ADCY10: variants seen among roughly 807,000 people sequenced by gnomAD.
ADCY10 encodes the protein adenylate cyclase type 10.
Under a neutral mutation model 183.3 loss-of-function variants are expected in ADCY10, and 156 were observed. That is an observed-to-expected ratio of 0.85 (90% CI 0.75 to 0.97). The LOEUF (loss-of-function observed/expected upper bound fraction) is 0.97. Ranked by LOEUF, ADCY10 falls within the 50% of genes least tolerant of loss-of-function variation. The pLI, the probability that ADCY10 is intolerant of heterozygous loss-of-function variation, is 0.00. For synonymous variants in ADCY10, 645 were observed against 670.0 expected (o/e 0.96, Z 0.58); for missense variants, 1,745 against 1,934.3 (o/e 0.90, Z 1.84).
rs150976802 is a variant in ADCY10, at chr1:167,844,793, G to A, written c.3007+770C>T. 6.2e-3 allele frequency among the ~76,000 whole-genome samples: 937 copies of A among 152,184 alleles called. 6 individuals are homozygous for A. Among genetic ancestry groups the A allele is most frequent in the African/African-American group, 0.022 (901 of 41,522 alleles). On this transcript the variant is annotated intron_variant, in intron 21 of 32. Transcript: ENST00000367851. Reference sequence around the variant, plus strand: ...TGATTTTTAATATCCTTATAATATAGGAGTCCTCTACTTGTAGCCTCTGAT... The same window carrying A: ...TGATTTTTAATATCCTTATAATATAAGAGTCCTCTACTTGTAGCCTCTGAT...
In ADCY10 at chr1:167,880,479, G is replaced by A. The variant is rs1316836009; in HGVS notation, c.1139+12C>T. ...TCAGGGACCGCTGGGTGGGACCAGG[G>A]TCAATACTCACTGGATTTTGTGGAC... On this transcript the variant is annotated intron_variant, in intron 10 of 32. Transcript: ENST00000367851. 15 of 1,597,122 alleles carry A rather than the reference G, an allele frequency of 9.4e-6. No individual in the cohort carries two copies. Among genetic ancestry groups the A allele is most frequent in the Non-Finnish European group, 9.4e-6 (11 of 1,164,606 alleles).
chr1:167,823,451 G>C (rs1456078879), intron 28 of ADCY10, among the ~76,000 whole-genome samples: 1 of 150,604 alleles, frequency 6.6e-6, no homozygotes, highest in Admixed American at 6.6e-5. Context: ...AAAAGCAGTG[G>C]ATATAATGGA....
chr1:167,901,567 C>T lies in ADCY10; in HGVS notation c.436+95G>A, dbSNP rs12072658. 6.3e-3 allele frequency: 8,158 copies of T among 1,294,168 alleles called. 398 individuals are homozygous for T. In the African/African-American group the frequency reaches 0.11, roughly 17 times the overall value. The allele number at this position is 1,294,168 out of a possible 1,614,324, so 80.2% of individuals were successfully genotyped here. On this transcript the variant is annotated intron_variant, in intron 5 of 32. Coordinates refer to ENST00000367851, the MANE Select transcript of ADCY10 (RefSeq NM_018417.6). ...TCAGGGCATCATGGGGCTGAGCCACCATGTTCTACTACTTCTCTTTGGGAG... is the reference window on the plus strand; with the variant it reads ...TCAGGGCATCATGGGGCTGAGCCACTATGTTCTACTACTTCTCTTTGGGAG...
chr1:167,832,534 G>T (rs138693860), intron 25 of ADCY10, among the ~76,000 whole-genome samples: 1 of 152,230 alleles, frequency 6.6e-6, no homozygotes, highest in Non-Finnish European at 1.5e-5. Context: ...TTCCTAGATG[G>T]GTGGGAGTTT....
At chr1:167,867,942 G>T (rs983064243) in intron 14 of ADCY10, among the ~76,000 whole-genome samples, 1 of 152,154 alleles carries the variant, frequency 6.6e-6, no homozygotes, top group East Asian at 1.9e-4. Flanking sequence ...CCTCCTGTAC[G>T]AGTGGAAGCT....
chr1:167,834,733 A>G (rs1037241999), intron 23 of ADCY10: 6 of 156,580 alleles, frequency 3.8e-5, no homozygotes, highest in African/African-American at 1.4e-4. Flanking sequence ...AGAGGGAGAC[A>G]TGATGAGTTG....
intron 7 of ADCY10, among the ~76,000 whole-genome samples, chr1:167,895,846 A>T (rs1326519685): frequency 6.6e-6 from 1 of 152,244 alleles, no homozygotes; most frequent in Non-Finnish European, 1.5e-5. Context: ...TGAGTAGAGA[A>T]GACTAGAAGG....
chr1:167,818,602 A>G (rs1341341380), intron 30 of ADCY10, among the ~76,000 whole-genome samples: 8 of 152,158 alleles, frequency 5.3e-5, no homozygotes, highest in Non-Finnish European at 7.4e-5. Context: ...CAATGGCACA[A>G]TCTTGGCTTA....
intron 2 of ADCY10, chr1:167,904,693 A>G (rs1450540820): frequency 6.7e-6 from 4 of 601,072 alleles, no homozygotes; most frequent in East Asian, 5.5e-5. Flanking sequence ...TGGGATGTGT[A>G]TGGGGCTTGG....
At chr1:167,838,695 A>C (rs889440297) in intron 21 of ADCY10, among the ~76,000 whole-genome samples, 1 of 152,256 alleles carries the variant, frequency 6.6e-6, no homozygotes, top group African/African-American at 2.4e-5. Context: ...CATTTTATAT[A>C]TCTAAGCCTC....
At chr1:167,850,820 G>T (rs965252266) in intron 18 of ADCY10, among the ~76,000 whole-genome samples, 2 of 152,008 alleles carry the variant, frequency 1.3e-5, no homozygotes, top group Admixed American at 6.6e-5. Flanking sequence ...CACTCAACCA[G>T]TATTAACTGA....
In ADCY10 at chr1:167,852,067, C is replaced by T. The variant is rs564002424; in HGVS notation, c.2308+2286G>A. ...CAATATTATGTAACCAGAATCTCTCCTTAATTTCAGTTTTTTAAAATTAAG... is the reference window on the plus strand; with the variant it reads ...CAATATTATGTAACCAGAATCTCTCTTTAATTTCAGTTTTTTAAAATTAAG... On this transcript the variant is annotated intron_variant, in intron 18 of 32. Coordinates refer to ENST00000367851, the MANE Select transcript of ADCY10 (RefSeq NM_018417.6). Among the ~76,000 whole-genome samples, 60 of 152,242 alleles carry T rather than the reference C, an allele frequency of 3.9e-4. No homozygotes were observed. The South Asian group carries it at 0.012, about 31-fold the overall frequency.
chr1:167,854,513 G>C lies in ADCY10; in HGVS notation c.2172-24C>G, dbSNP rs541220042. 30 of 1,613,962 alleles carry C rather than the reference G, an allele frequency of 1.9e-5. No homozygotes were observed. The African/African-American group carries it at 2.1e-4, about 11-fold the overall frequency. ...ACCTGTAGTGAAAACAAGGCAATCTGTTTACATTGAAGATACATCTTTTAG... is the reference window on the plus strand; with the variant it reads ...ACCTGTAGTGAAAACAAGGCAATCTCTTTACATTGAAGATACATCTTTTAG... On this transcript the variant is annotated intron_variant, in intron 17 of 32. Coordinates refer to ENST00000367851, the MANE Select transcript of ADCY10 (RefSeq NM_018417.6).
At position 167,870,280 on chromosome 1, in the gene ADCY10, G is replaced by C; in HGVS notation, c.1593C>G (p.Tyr531Ter). Residue 531 changes from tyrosine to a stop codon, truncating the protein, a stop_gained, in exon 14 of 33, where the codon TAC becomes TAG. Transcript: ENST00000367851. LOFTEE classifies it high-confidence loss of function. ...GKSQILMKIEYLAQGKNHRII... is the reference protein window; with the variant it reads ...GKSQILMKIE ...ACCTGTGATTCTTACCTTGGGCCAGGTACTCAATTTTCATAAGTATCTGGC... is the reference window on the plus strand; with the variant it reads ...ACCTGTGATTCTTACCTTGGGCCAGCTACTCAATTTTCATAAGTATCTGGC... 1 of 1,613,892 alleles carries C rather than the reference G, an allele frequency of 6.2e-7. No homozygotes were observed. Among genetic ancestry groups the C allele is most frequent in the Non-Finnish European group, 8.5e-7 (1 of 1,179,972 alleles).
chr1:167,875,458 C>A (rs1223821043), intron 12 of ADCY10, among the ~76,000 whole-genome samples: 2 of 152,188 alleles, frequency 1.3e-5, no homozygotes, highest in African/African-American at 2.4e-5. Context: ...TAGAGAAACC[C>A]CTTTCTGGGG....
chr1:167,902,590 T>C (rs1669512767), intron 3 of ADCY10, among the ~76,000 whole-genome samples: 2 of 152,256 alleles, frequency 1.3e-5, no homozygotes, highest in Admixed American at 1.3e-4. Flanking sequence ...CATGGATTGG[T>C]TAAGCACCTG....
Position 167,833,015 on chromosome 1 carries a change from G to T in ADCY10, c.3565C>A (p.Arg1189=), listed in dbSNP as rs141732535. ...GGAGGTGGGCTCTCTTGGGCCTGCCGATTCACATAATGAAAGTGTCTGTTT... is the reference window on the plus strand; with the variant it reads ...GGAGGTGGGCTCTCTTGGGCCTGCCTATTCACATAATGAAAGTGTCTGTTT... ...EKNRHFHYVN[R]QAQESPPPGK... is the part of the protein sequence containing the mutation. Residue 1189 remains arginine, a synonymous_variant, in exon 25 of 33, where the codon CGG becomes AGG. Coordinates refer to ENST00000367851, the MANE Select transcript of ADCY10 (RefSeq NM_018417.6). 2.0e-4 allele frequency: 322 copies of T among 1,614,004 alleles called. 4 individuals carry two copies. In the East Asian group the frequency reaches 5.7e-3, roughly 29 times the overall value.
At chr1:167,837,757 A>T (rs138206846) in intron 21 of ADCY10, among the ~76,000 whole-genome samples, 13 of 152,248 alleles carry the variant, frequency 8.5e-5, no homozygotes, top group Non-Finnish European at 1.8e-4. Context: ...TAATAACATT[A>T]TCCTAACTCA....
intron 10 of ADCY10, 25 bp downstream of exon 10, chr1:167,880,465 TG>T: frequency 6.5e-7 from 1 of 1,542,696 alleles, no homozygotes; most frequent in South Asian, 1.1e-5. Context: ...CAGGGACCGC[TG>T]GGTGGGACCA....
Sources: allele counts gnomAD v4.1 joint callset (sites outside exome capture counted in the v4.1 genomes callset), GRCh38; gene constraint gnomAD v4.1.1; transcripts MANE v1.5; gene names NCBI Gene and HGNC (gene_info 2026-07-23, HGNC 2026-07-21).